GHR: variants seen among roughly 807,000 people sequenced by gnomAD.
GHR encodes the protein GH receptor.
Under a neutral mutation model 67.1 loss-of-function variants are expected in GHR, and 35 were observed. The observed-to-expected ratio is 0.52, with a 90% CI of 0.40 to 0.69. The LOEUF (loss-of-function observed/expected upper bound fraction) is 0.69. GHR is among the 30% of genes least tolerant of loss of function. The pLI is 0.00. For synonymous variants in GHR, 272 were observed against 269.1 expected, an observed-to-expected ratio of 1.01 and a Z score of -0.10; for missense variants, 792 against 764.6, an observed-to-expected ratio of 1.04 and a Z score of -0.42.
At chr5:42,549,744 T>G in intron 1 of GHR, 1 of 759,848 alleles carries the variant, frequency 1.3e-6, no homozygotes, top group Non-Finnish European at 1.6e-6. Context: ...TGTACCTCTC[T>G]AAAAGTACTG....
Position 42,457,225 on chromosome 5 carries a change from A to T in GHR, c.-12+33270A>T, listed in dbSNP as rs1018650342. ...TGTGGTTTTTTGGCAACTGCCTGGCATTGGATTTAAGTGGGTATATTTGAA... is the reference window on the plus strand; with the variant it reads ...TGTGGTTTTTTGGCAACTGCCTGGCTTTGGATTTAAGTGGGTATATTTGAA... On this transcript the variant is annotated intron_variant, in intron 1 of 9. Coordinates refer to ENST00000230882, the MANE Select transcript of GHR (RefSeq NM_000163.5). 9.2e-5 allele frequency among the ~76,000 whole-genome samples: 14 copies of T among 152,176 alleles called. 1 individual carries two copies. Among genetic ancestry groups the T allele is most frequent in the Admixed American group, 1.3e-4 (2 of 15,280 alleles).
intron 6 of GHR, among the ~76,000 whole-genome samples, chr5:42,701,392 CAT>C (rs1278427552): frequency 6.6e-6 from 1 of 152,124 alleles, no homozygotes; most frequent in East Asian, 1.9e-4. Flanking sequence ...TTCTGTGTGA[CAT>C]ATGGGAATTA....
intron 1 of GHR, among the ~76,000 whole-genome samples, chr5:42,483,862 C>A (rs1178909050): frequency 1.3e-5 from 2 of 152,194 alleles, no homozygotes; most frequent in Non-Finnish European, 2.9e-5. Context: ...AGAAAAGAAC[C>A]TTCACAAGGT....
chr5:42,683,068 C>T, intron 3 of GHR, among the ~76,000 whole-genome samples: 1 of 152,054 alleles, frequency 6.6e-6, no homozygotes, highest in Non-Finnish European at 1.5e-5. Flanking sequence ...GTGGCGCAAT[C>T]TTGGCTCACT....
At chr5:42,650,168 C>T (rs2112820326) in intron 3 of GHR, among the ~76,000 whole-genome samples, 1 of 152,170 alleles carries the variant, frequency 6.6e-6, no homozygotes, top group South Asian at 2.1e-4. Flanking sequence ...CTACTGAGGG[C>T]TCTTGTCTCC....
At chr5:42,664,556 A>C (rs895937962) in intron 3 of GHR, among the ~76,000 whole-genome samples, 6 of 152,198 alleles carry the variant, frequency 3.9e-5, no homozygotes, top group African/African-American at 1.2e-4. Flanking sequence ...GAAAGCTGAA[A>C]CTGGATCCCT....
chr5:42,423,637 C>G lies in GHR; in HGVS notation c.-330C>G, dbSNP rs1040066578. 9 of 153,106 alleles carry G rather than the reference C, an allele frequency of 5.9e-5. No individual in the cohort carries two copies. The highest frequency in any genetic ancestry group is 2.2e-4 in the African/African-American group (9 of 41,458). The allele number at this position is 153,106 out of a possible 1,614,324, so 9.5% of individuals were successfully genotyped here. Reference sequence around the variant, plus strand: ...CAGGCGCGGCGTGACCCCTGGTGAACGGTGGCCGCCTTTTCCCACCCCTGC... The same window carrying G: ...CAGGCGCGGCGTGACCCCTGGTGAAGGGTGGCCGCCTTTTCCCACCCCTGC... On this transcript the variant is annotated 5_prime_UTR_variant, in exon 1 of 10. Transcript: ENST00000230882.
intron 1 of GHR, chr5:42,468,750 T>C (rs1465549922): frequency 9.5e-7 from 1 of 1,052,940 alleles, no homozygotes; most frequent in Admixed American, 1.8e-5. Flanking sequence ...CGCCAGCTTC[T>C]TTTTTCTTGT....
chr5:42,513,397 C>T (rs777325503), intron 1 of GHR, among the ~76,000 whole-genome samples: 13 of 152,346 alleles, frequency 8.5e-5, no homozygotes, highest in Admixed American at 3.3e-4. Context: ...TGTCACTTCA[C>T]AGCTCATTAG....
intron 1 of GHR, among the ~76,000 whole-genome samples, chr5:42,479,761 T>A (rs1020486286): frequency 1.3e-5 from 2 of 152,210 alleles, no homozygotes; most frequent in African/African-American, 2.4e-5. Flanking sequence ...TTGCGTCTAT[T>A]TGATTATTCT....
intron 1 of GHR, among the ~76,000 whole-genome samples, chr5:42,564,811 A>G (rs764121465): frequency 1.3e-5 from 2 of 152,162 alleles, no homozygotes; most frequent in South Asian, 2.1e-4. Context: ...CCAGTAGAGG[A>G]TCTCGTGGAG....
At chr5:42,704,464 G>T (rs2111770895) in intron 6 of GHR, among the ~76,000 whole-genome samples, 1 of 151,804 alleles carries the variant, frequency 6.6e-6, no homozygotes, top group African/African-American at 2.4e-5. Context: ...CTAGTATTTT[G>T]TTTAAGATTT....
At chr5:42,660,078 G>C (rs1270288102) in intron 3 of GHR, among the ~76,000 whole-genome samples, 3 of 152,216 alleles carry the variant, frequency 2.0e-5, no homozygotes, top group African/African-American at 7.2e-5. Flanking sequence ...CATTGCCCAG[G>C]TTTGCTTAGG....
intron 1 of GHR, among the ~76,000 whole-genome samples, chr5:42,559,386 A>G (rs1286083620): frequency 1.3e-5 from 2 of 152,120 alleles, no homozygotes; most frequent in African/African-American, 2.4e-5. Context: ...AAAATAAACA[A>G]ATAAATAAAA....
At chr5:42,711,942 CT>C (rs1758480727) in intron 7 of GHR, among the ~76,000 whole-genome samples, 1 of 151,944 alleles carries the variant, frequency 6.6e-6, no homozygotes, top group African/African-American at 2.4e-5. Context: ...TTTGAAAACC[CT>C]ATGTAGGAGA....
intron 1 of GHR, among the ~76,000 whole-genome samples, chr5:42,565,164 C>T (rs1042163374): frequency 2.0e-5 from 3 of 152,186 alleles, no homozygotes; most frequent in African/African-American, 7.2e-5. Context: ...CTAGCAAAGC[C>T]ACAGACGCAT....
intron 3 of GHR, among the ~76,000 whole-genome samples, chr5:42,686,081 CGTTTAA>C (rs1757124935): frequency 6.6e-6 from 1 of 152,114 alleles, no homozygotes; most frequent in Non-Finnish European, 1.5e-5. Context: ...TTGGGTCTTA[CGTTTAA>C]GTCTTTAATC....
At chr5:42,636,959 A>C (rs1023368037) in intron 3 of GHR, among the ~76,000 whole-genome samples, 3 of 152,210 alleles carry the variant, frequency 2.0e-5, no homozygotes, top group Non-Finnish European at 2.9e-5. Flanking sequence ...CTTTCAAAGG[A>C]CTTTTGAAAA....
chr5:42,512,709 C>T (rs186682544), intron 1 of GHR, among the ~76,000 whole-genome samples: 1 of 152,268 alleles, frequency 6.6e-6, no homozygotes, highest in Admixed American at 6.5e-5. Context: ...TCCTTTAGGG[C>T]CCTACACTTG....
Sources: allele counts gnomAD v4.1 joint callset (sites outside exome capture counted in the v4.1 genomes callset), GRCh38; gene constraint gnomAD v4.1.1; transcripts MANE v1.5; gene names NCBI Gene and HGNC (gene_info 2026-07-23, HGNC 2026-07-21).